The following C16orf95 variants were observed in gnomAD, a reference collection of about 807,000 sequenced individuals.
The protein encoded by C16orf95 is chromosome 16 open reading frame 95.
In C16orf95, 41 loss-of-function variants were observed where a neutral mutation model predicts 32.1. The ratio of observed to expected loss-of-function variants is 1.28; its 90% CI spans 1.00 to 1.66. The LOEUF (loss-of-function observed/expected upper bound fraction) is 1.66. Among genes scored for constraint, C16orf95 ranks in the 40% most tolerant of loss-of-function variants. C16orf95 has a pLI of 0.00. For synonymous variants in C16orf95, 147 were observed against 128.9 expected (o/e 1.14, Z -0.95); for missense variants, 399 against 325.9 (o/e 1.22, Z -1.73).
chr16:87,303,231 A>T (rs1910845685), intron 6 of C16orf95, 156 bp from the exon 7 acceptor site: 5 of 733,050 alleles, frequency 6.8e-6, no homozygotes. Context: ...GGGTGCAGGG[A>T]TGAGGGGTGG....
In C16orf95 at chr16:87,314,954, T is replaced by C. The variant is rs112559513; in HGVS notation, c.330+17A>G. On this transcript the variant is annotated intron_variant, in intron 3 of 6. Coordinates refer to ENST00000567970, the MANE Select transcript of C16orf95 (RefSeq NM_001195124.3). ...CCCTGGACCCTAGGGGAAGACCTCC[T>C]GGTTCAAGTCACCTACCTGCTTTCG... 5 of 1,535,198 alleles carry C rather than the reference T, an allele frequency of 3.3e-6. No homozygotes were observed. The East Asian group carries it at 1.2e-4, about 38-fold the overall frequency.
At chr16:87,316,950 T>C in intron 1 of C16orf95, 141 bp downstream of exon 1, 1 of 1,331,652 alleles carries the variant, frequency 7.5e-7, no homozygotes, top group Non-Finnish European at 9.7e-7. Flanking sequence ...TCAGTTGCGT[T>C]TTTGTTAAGC....
chr16:87,308,373 C>G (rs935196794), intron 5 of C16orf95, among the ~76,000 whole-genome samples: 4 of 151,942 alleles, frequency 2.6e-5, no homozygotes, highest in African/African-American at 9.7e-5. Flanking sequence ...CCCAGCTACT[C>G]AGGAGGCTGA....
rs192160829 is a variant in C16orf95, at chr16:87,305,173, T to A, written c.701+546A>T. On this transcript the variant is annotated intron_variant, in intron 6 of 6. Transcript: ENST00000567970. This position sits in a 1 kb window ranked among gnomAD's most constrained non-coding sequence, Gnocchi z 4.2. ...CCCCGGAGGCTTCCTGGGGGAGGTA[T>A]CCCAGCAGAAAGCCATGGCTGTGGG... 4.0e-3 allele frequency among the ~76,000 whole-genome samples: 602 copies of A among 152,132 alleles called. 3 individuals are homozygous for A. The highest frequency in any genetic ancestry group is 0.014 in the African/African-American group (587 of 41,508).
chr16:87,315,144 C>T (rs762843495), intron 2 of C16orf95, 48 bp from the exon 3 acceptor site: 14 of 1,524,566 alleles, frequency 9.2e-6, no homozygotes, highest in Non-Finnish European at 8.8e-7. Flanking sequence ...GCTGCATTTG[C>T]AGGGAGACAG....
chr16:87,308,034 C>G (rs1418738230), intron 5 of C16orf95, among the ~76,000 whole-genome samples: 1 of 152,060 alleles, frequency 6.6e-6, no homozygotes, highest in Non-Finnish European at 1.5e-5. Flanking sequence ...AAGGTGGATG[C>G]CTAATAATTT....
chr16:87,310,847 AG>A (rs1313020544), intron 4 of C16orf95, among the ~76,000 whole-genome samples: 1 of 152,038 alleles, frequency 6.6e-6, no homozygotes, highest in African/African-American at 2.4e-5. Context: ...GGAGGAAGAG[AG>A]GGAGGAAAGC....
rs1190425297 is a variant in C16orf95, at chr16:87,305,203, A to C, written c.701+516T>G. ...GCAGAAAGCCATGGCTGTGGGCAGC[A>C]AGGGTGCCAGGGGCGAAACTCGAAG... is the stretch of plus-strand genomic sequence containing the variant. On this transcript the variant is annotated intron_variant, in intron 6 of 6. Coordinates refer to ENST00000567970, the MANE Select transcript of C16orf95 (RefSeq NM_001195124.3). This position sits in a 1 kb window ranked among gnomAD's most constrained non-coding sequence, Gnocchi z 4.2. 6.6e-6 allele frequency among the ~76,000 whole-genome samples: 1 copy of C among 152,158 alleles called. No homozygotes were observed. Among genetic ancestry groups the C allele is most frequent in the African/African-American group, 2.4e-5 (1 of 41,462 alleles).
At chr16:87,311,060 A>G in intron 4 of C16orf95, 90 bp downstream of exon 4, 1 of 1,189,722 alleles carries the variant, frequency 8.4e-7, no homozygotes, top group Non-Finnish European at 1.1e-6. Flanking sequence ...GAGCCCAGGT[A>G]CCCCTCTTCC....
intron 6 of C16orf95, chr16:87,303,492 C>T (rs1196703487): frequency 2.2e-5 from 4 of 181,880 alleles, no homozygotes; most frequent in Admixed American, 1.6e-4. Context: ...GCCGAGGCTT[C>T]TCCTGAGATA....
chr16:87,307,762 C>T (rs546357406), intron 5 of C16orf95, among the ~76,000 whole-genome samples: 1 of 151,994 alleles, frequency 6.6e-6, no homozygotes, highest in African/African-American at 2.4e-5. Context: ...CATCCTAAAA[C>T]AAACTAAAAA....
Position 87,305,622 on chromosome 16 carries a change from C to A in C16orf95, c.701+97G>T. 3.5e-6 allele frequency: 4 copies of A among 1,143,594 alleles called. No homozygotes were observed. Among genetic ancestry groups the A allele is most frequent in the Non-Finnish European group, 4.8e-6 (4 of 839,196 alleles). 70.8% of individuals were successfully genotyped at this position (1,143,594 alleles called of 1,614,324 possible). Reference sequence around the variant, plus strand: ...GACGCCTGTCAAGTTAAGCCCCACCCCCCACTCTTCCACATCCCTGATGGC... The same window carrying A: ...GACGCCTGTCAAGTTAAGCCCCACCACCCACTCTTCCACATCCCTGATGGC... On this transcript the variant is annotated intron_variant, in intron 6 of 6. Coordinates refer to ENST00000567970, the MANE Select transcript of C16orf95 (RefSeq NM_001195124.3). The surrounding 1 kb of genome is among the most constrained non-coding windows in gnomAD (Gnocchi z 4.2).
chr16:87,303,247 A>C (rs1228547390), intron 6 of C16orf95, 172 bp from the exon 7 acceptor site: 1 of 627,572 alleles, frequency 1.6e-6, no homozygotes, highest in Non-Finnish European at 2.8e-6. Context: ...GGTGGGGTGC[A>C]GTCCTGGCCA....
In C16orf95 at chr16:87,305,276, A is replaced by G. The variant is rs1468838110; in HGVS notation, c.701+443T>C. ...AGACCAGGGGAAGGGGCTTTCTAGT[A>G]TGGAGACTGGCGGCTGGGGCTCAAG... On this transcript the variant is annotated intron_variant, in intron 6 of 6. Coordinates refer to ENST00000567970, the MANE Select transcript of C16orf95 (RefSeq NM_001195124.3). This position sits in a 1 kb window ranked among gnomAD's most constrained non-coding sequence, Gnocchi z 4.2. Among the ~76,000 whole-genome samples, 1 of 152,132 alleles carries G rather than the reference A, an allele frequency of 6.6e-6. No homozygotes were observed. Among genetic ancestry groups the G allele is most frequent in the Non-Finnish European group, 1.5e-5 (1 of 68,014 alleles).
chr16:87,303,157 T>A, intron 6 of C16orf95, 82 bp from the exon 7 acceptor site: 2 of 1,410,920 alleles, frequency 1.4e-6, no homozygotes, highest in Non-Finnish European at 1.9e-6. Context: ...TTGGGAAACC[T>A]CCATGAGCGG....
chr16:87,304,070 A>G (rs1910888968), intron 6 of C16orf95, among the ~76,000 whole-genome samples: 1 of 152,038 alleles, frequency 6.6e-6, no homozygotes, highest in South Asian at 2.1e-4. Context: ...CCCAGGCTGG[A>G]GTGCACTGGC....
chr16:87,308,096 G>C (rs1222664452), intron 5 of C16orf95, among the ~76,000 whole-genome samples: 3 of 152,160 alleles, frequency 2.0e-5, no homozygotes, highest in Non-Finnish European at 4.4e-5. Context: ...GAATGAGCGG[G>C]AGCCTTGCTG....
chr16:87,314,452 A>G (rs1335322755), intron 3 of C16orf95, among the ~76,000 whole-genome samples: 1 of 152,248 alleles, frequency 6.6e-6, no homozygotes, highest in Non-Finnish European at 1.5e-5. Context: ...ATCATCAAAA[A>G]TGCAAATTAA....
chr16:87,307,267 T>TTC (rs1385527650), intron 5 of C16orf95, among the ~76,000 whole-genome samples: 1 of 152,136 alleles, frequency 6.6e-6, no homozygotes. Context: ...CCTACTCCTT[T>TTC]TAGAGACAAA....
Sources: allele counts gnomAD v4.1 joint callset (sites outside exome capture counted in the v4.1 genomes callset), GRCh38; gene constraint gnomAD v4.1.1; non-coding constraint Gnocchi (gnomAD v3.1); transcripts MANE v1.5; gene names NCBI Gene and HGNC (gene_info 2026-07-23, HGNC 2026-07-21).